Variants in BTRC observed in about 807,000 individuals in gnomAD.
BTRC encodes beta-transducin repeat containing E3 ubiquitin protein ligase, also known as F-box/WD repeat-containing protein 1A.
Under a neutral mutation model 85.5 loss-of-function variants are expected in BTRC, and 42 were observed. The ratio of observed to expected loss-of-function variants is 0.49; its 90% CI spans 0.38 to 0.64. BTRC has a LOEUF of 0.64. Ranked by LOEUF, BTRC falls within the 30% of genes least tolerant of loss-of-function variation. The pLI is 0.00. For synonymous variants in BTRC, 255 were observed against 263.3 expected (o/e 0.97, Z 0.30); for missense variants, 594 against 743.5 (o/e 0.80, Z 2.34).
chr10:101,366,940 A>ATATATATATTTATATAAATATATATT (rs1942442680), intron 1 of BTRC, among the ~76,000 whole-genome samples: 2 of 12,956 alleles, frequency 1.5e-4, no homozygotes, highest in East Asian at 2.8e-3. Flanking sequence ...ATATATATTT[A>ATATATATATTTATATAAATATATATT]TATATATTTA....
chr10:101,366,999 T>A (rs1942463712), intron 1 of BTRC, among the ~76,000 whole-genome samples: 1 of 78,284 alleles, frequency 1.3e-5, no homozygotes, highest in African/African-American at 4.6e-5. Context: ...TATATTAATA[T>A]ATATATTTAT....
intron 2 of BTRC, among the ~76,000 whole-genome samples, chr10:101,434,217 T>A (rs1944469780): frequency 1.3e-5 from 2 of 152,208 alleles, no homozygotes; most frequent in South Asian, 4.1e-4. Flanking sequence ...GTATATAGTT[T>A]GAAAGGGAAA....
At chr10:101,368,743 G>T (rs919900604) in intron 1 of BTRC, among the ~76,000 whole-genome samples, 9 of 152,006 alleles carry the variant, frequency 5.9e-5, no homozygotes, top group African/African-American at 1.9e-4. Context: ...TTGAGGCCGG[G>T]TATAGTGGCT....
At chr10:101,445,801 CAT>C (rs1454634261) in intron 2 of BTRC, among the ~76,000 whole-genome samples, 3 of 152,184 alleles carry the variant, frequency 2.0e-5, no homozygotes, top group Admixed American at 6.5e-5. Flanking sequence ...TTAATTTTGA[CAT>C]GTGTGTTGTG....
chr10:101,369,232 T>A (rs952277209), intron 1 of BTRC, among the ~76,000 whole-genome samples: 7 of 151,614 alleles, frequency 4.6e-5, no homozygotes, highest in Non-Finnish European at 8.8e-5. Context: ...TTTTTTTTTT[T>A]AAAGAGATGG....
At chr10:101,354,479 A>AG in intron 1 of BTRC, 1 of 497,616 alleles carries the variant, frequency 2.0e-6, no homozygotes, top group Non-Finnish European at 3.5e-6. Flanking sequence ...TTAATCGAGG[A>AG]GGGGGCTCCA....
intron 2 of BTRC, among the ~76,000 whole-genome samples, chr10:101,439,542 T>A (rs1379516396): frequency 6.6e-6 from 1 of 152,230 alleles, no homozygotes; most frequent in Non-Finnish European, 1.5e-5. Context: ...ACTGTCAGAA[T>A]GTGACACTTG....
At chr10:101,503,914 A>G (rs970407222) in intron 4 of BTRC, among the ~76,000 whole-genome samples, 1 of 152,210 alleles carries the variant, frequency 6.6e-6, no homozygotes, top group East Asian at 1.9e-4. Context: ...AGAGCAGGGT[A>G]GTTTTTTCCT....
At chr10:101,373,394 A>G (rs561859366) in intron 1 of BTRC, among the ~76,000 whole-genome samples, 2 of 152,316 alleles carry the variant, frequency 1.3e-5, no homozygotes, top group East Asian at 3.9e-4. Flanking sequence ...AAAGGAGGAA[A>G]GACATTCAAG....
At chr10:101,458,593 C>T (rs1423343984) in intron 2 of BTRC, among the ~76,000 whole-genome samples, 1 of 152,188 alleles carries the variant, frequency 6.6e-6, no homozygotes, top group Non-Finnish European at 1.5e-5. Context: ...ATTGCCTCAA[C>T]AGTGTGTGCT....
intron 13 of BTRC, among the ~76,000 whole-genome samples, chr10:101,545,468 C>A (rs928471726): frequency 1.3e-5 from 2 of 152,168 alleles, no homozygotes; most frequent in Non-Finnish European, 2.9e-5. Context: ...ACCAGTACCT[C>A]AGAATGTGAC....
intron 2 of BTRC, among the ~76,000 whole-genome samples, chr10:101,434,096 A>T (rs924452492): frequency 2.0e-5 from 3 of 152,196 alleles, no homozygotes; most frequent in African/African-American, 7.2e-5. Flanking sequence ...GAATCTCTTT[A>T]ATGTCTGGAT....
intron 4 of BTRC, among the ~76,000 whole-genome samples, chr10:101,518,972 G>T (rs1241077024): frequency 3.3e-5 from 5 of 152,066 alleles, no homozygotes; most frequent in South Asian, 2.1e-4. Flanking sequence ...GCACATAGTG[G>T]CTGGGTTCTC....
chr10:101,389,126 T>TG (rs1943168581), intron 1 of BTRC, among the ~76,000 whole-genome samples: 1 of 134,048 alleles, frequency 7.5e-6, no homozygotes, highest in Non-Finnish European at 1.6e-5. Context: ...TGTGTTTTTT[T>TG]TTTTTTTTTT....
At chr10:101,539,628 A>G (rs1372945156) in intron 13 of BTRC, among the ~76,000 whole-genome samples, 1 of 152,220 alleles carries the variant, frequency 6.6e-6, no homozygotes, top group East Asian at 1.9e-4. Flanking sequence ...TTCTATAAAC[A>G]TTTATGTAGA....
chr10:101,530,153 A>G (rs1371714373), intron 6 of BTRC, among the ~76,000 whole-genome samples: 1 of 152,202 alleles, frequency 6.6e-6, no homozygotes, highest in African/African-American at 2.4e-5. Flanking sequence ...AATGTTGCTC[A>G]CTGGAATCAG....
At chr10:101,490,719 T>C (rs1354084579) in intron 4 of BTRC, among the ~76,000 whole-genome samples, 2 of 152,190 alleles carry the variant, frequency 1.3e-5, no homozygotes, top group Non-Finnish European at 2.9e-5. Flanking sequence ...TGTATAAATA[T>C]CTTGTTCAGG....
intron 2 of BTRC, among the ~76,000 whole-genome samples, chr10:101,456,012 A>ACACACACACACAC (rs1945070430): frequency 6.6e-6 from 1 of 150,908 alleles, no homozygotes; most frequent in East Asian, 2.0e-4. Context: ...ACACACACAC[A>ACACACACACACAC]CACACAAAAT....
Position 101,402,204 on chromosome 10 carries a change from TG to T in BTRC, c.49-28140del, listed in dbSNP as rs575739181. On this transcript the variant is annotated intron_variant, in intron 1 of 14. Transcript: ENST00000370187. ...TCTAAATTCATATGTGAGGAGGTTA[TG>T]TTTTTTTAAAGCATATTATTTACAC... is the stretch of plus-strand genomic sequence containing the variant. Among the ~76,000 whole-genome samples, 606 of 152,350 alleles carry T rather than the reference TG, an allele frequency of 4.0e-3. 9 individuals carry two copies. Among genetic ancestry groups the T allele is most frequent in the African/African-American group, 0.014 (577 of 41,572 alleles).
Sources: gnomAD v4.1 joint callset for allele counts (sites outside exome capture counted in the v4.1 genomes callset) on GRCh38, gnomAD v4.1.1 for gene constraint, MANE v1.5 for transcripts, NCBI Gene and HGNC (gene_info 2026-07-23, HGNC 2026-07-21) for gene names.